The following MAGI1 variants were observed in gnomAD, a reference collection of about 807,000 sequenced individuals.
MAGI1 encodes the protein membrane-associated guanylate kinase, WW and PDZ domain-containing protein 1.
In MAGI1, 58 loss-of-function variants were observed where a neutral mutation model predicts 139.9. The ratio of observed to expected loss-of-function variants is 0.41; its 90% CI spans 0.34 to 0.52. MAGI1 has a LOEUF of 0.52. MAGI1 is among the 20% of genes least tolerant of loss of function. MAGI1 has a pLI of 0.12. For missense variants in MAGI1, 1,874 were observed against 1,901.6 expected (o/e 0.99, Z 0.27); for synonymous variants, 812 against 737.9 (o/e 1.10, Z -1.63).
chr3:65,703,019 C>G (rs1055450572), intron 1 of MAGI1, among the ~76,000 whole-genome samples: 1 of 151,968 alleles, frequency 6.6e-6, no homozygotes, highest in African/African-American at 2.4e-5. Context: ...GAATCTGGAG[C>G]AGAGACACTG....
chr3:65,367,199 T>C (rs1202939827), intron 18 of MAGI1, among the ~76,000 whole-genome samples: 1 of 152,236 alleles, frequency 6.6e-6, no homozygotes, highest in Non-Finnish European at 1.5e-5. Context: ...TCAAAGTGAT[T>C]ATAATGATTG....
chr3:65,627,907 G>C (rs76089079), intron 1 of MAGI1, among the ~76,000 whole-genome samples: 83 of 152,158 alleles, frequency 5.5e-4, no homozygotes, highest in Non-Finnish European at 8.8e-4. Flanking sequence ...AGAATGTTAA[G>C]CATGTTTGAT....
At chr3:65,478,876 T>C in intron 3 of MAGI1, 78 bp from the exon 4 acceptor site, 1 of 1,067,242 alleles carries the variant, frequency 9.4e-7, no homozygotes, top group Non-Finnish European at 1.4e-6. Flanking sequence ...CATCCAAATC[T>C]CTAGGCACAT....
rs147090669 is a variant in MAGI1, at chr3:65,893,033, T to C, written c.313+144963A>G. On this transcript the variant is annotated intron_variant, in intron 1 of 22. Coordinates refer to ENST00000402939, the MANE Select transcript of MAGI1 (RefSeq NM_001033057.2). ...AGAGAAGGACACTAACAACCTCAAT[T>C]TCAGGGACGATAAAAATTAAGTAAC... Among the ~76,000 whole-genome samples the C allele has an allele frequency of 1.9e-3, 296 of 152,280 alleles. 1 individual carries two copies. The highest frequency in any genetic ancestry group is 0.01 in the South Asian group (50 of 4,826).
At chr3:65,845,159 G>A (rs2058944143) in intron 1 of MAGI1, among the ~76,000 whole-genome samples, 1 of 142,940 alleles carries the variant, frequency 7.0e-6, no homozygotes, top group African/African-American at 2.5e-5. Flanking sequence ...GGTGAGGCAG[G>A]AGAATCACTT....
At chr3:66,004,295 T>C (rs747476946) in intron 1 of MAGI1, among the ~76,000 whole-genome samples, 15 of 152,096 alleles carry the variant, frequency 9.9e-5, no homozygotes, top group South Asian at 2.1e-4. Flanking sequence ...GGGGCTTCAG[T>C]TGGGGGTGAC....
chr3:65,963,110 T>G (rs2064532539), intron 1 of MAGI1, among the ~76,000 whole-genome samples: 1 of 146,414 alleles, frequency 6.8e-6, no homozygotes, highest in Admixed American at 6.7e-5. Context: ...GCAGATGGAT[T>G]GCCTGAGCTT....
Position 65,357,047 on chromosome 3 carries a change from C to T in MAGI1, c.3720G>A (p.Pro1240=). Reference sequence around the variant, plus strand: ...CGGGTGGGTAACTGGACTCCAATGACGGATGCTGCCGGCGGTCGGGCCCGG... The same window carrying T: ...CGGGTGGGTAACTGGACTCCAATGATGGATGCTGCCGGCGGTCGGGCCCGG... ...VRAGPDRRQH[P]SLESSYPPDL... The change falls in exon 23 of 23, where the codon CCG becomes CCA. Residue 1240 remains proline, a synonymous_variant. Coordinates refer to ENST00000402939, the MANE Select transcript of MAGI1 (RefSeq NM_001033057.2). 1 of 1,614,038 alleles carries T rather than the reference C, an allele frequency of 6.2e-7. No homozygotes were observed. Among genetic ancestry groups the T allele is most frequent in the East Asian group, 2.2e-5 (1 of 44,842 alleles).
intron 1 of MAGI1, among the ~76,000 whole-genome samples, chr3:65,965,737 G>T (rs1425515024): frequency 6.6e-6 from 1 of 151,860 alleles, no homozygotes; most frequent in East Asian, 1.9e-4. Flanking sequence ...GGAGTGCAGT[G>T]GCTCACTTCA....
At chr3:65,951,092 AAG>A (rs762373555) in intron 1 of MAGI1, among the ~76,000 whole-genome samples, 4 of 151,650 alleles carry the variant, frequency 2.6e-5, no homozygotes, top group Admixed American at 2.0e-4. Context: ...GAGAGAGGGA[AAG>A]AGAGAGAATC....
intron 1 of MAGI1, among the ~76,000 whole-genome samples, chr3:65,852,175 T>C (rs2059227494): frequency 6.6e-6 from 1 of 152,184 alleles, no homozygotes; most frequent in Admixed American, 6.5e-5. Flanking sequence ...TCTGTCCTCC[T>C]TGGTGGCCCT....
chr3:65,644,167 A>T (rs2085131675), intron 1 of MAGI1, among the ~76,000 whole-genome samples: 1 of 152,168 alleles, frequency 6.6e-6, no homozygotes, highest in Non-Finnish European at 1.5e-5. Flanking sequence ...GTGGTGTCAG[A>T]TAAAACCATC....
Position 65,391,146 on chromosome 3 carries a change from G to T in MAGI1, c.2412C>A (p.Asn804Lys). ...IWAQSRSMYE[N>K]RLPDYQEQDI... is the part of the protein sequence containing the mutation. ...AGAGGCCAGGATGCTACTCACGTCG[G>T]TTTTCATACATGCTCCTGGACTGGG... is the stretch of plus-strand genomic sequence containing the variant. The change falls in exon 14 of 23, where the codon AAC becomes AAA. Residue 804 changes from asparagine (N) to lysine (K), a missense_variant. This residue lies in a region of MAGI1 where 482 missense variants were observed against 509.6 expected (regional missense o/e 0.95). Transcript: ENST00000402939. The T allele has an allele frequency of 6.2e-7, 1 of 1,614,126 alleles. No individual in the cohort carries two copies. The highest frequency in any genetic ancestry group is 8.5e-7 in the Non-Finnish European group (1 of 1,179,978).
chr3:65,596,321 G>A (rs1439021421), intron 2 of MAGI1, among the ~76,000 whole-genome samples: 1 of 152,120 alleles, frequency 6.6e-6, no homozygotes, highest in Non-Finnish European at 1.5e-5. Context: ...CCGTTTTACT[G>A]AAACCCCCAA....
intron 1 of MAGI1, among the ~76,000 whole-genome samples, chr3:65,774,678 A>T (rs1321396704): frequency 6.6e-6 from 1 of 152,162 alleles, no homozygotes; most frequent in Admixed American, 6.6e-5. Flanking sequence ...GGCATACACA[A>T]AATGTTTTCC....
chr3:65,361,608 C>T (rs1940864267), intron 21 of MAGI1, among the ~76,000 whole-genome samples: 1 of 152,206 alleles, frequency 6.6e-6, no homozygotes, highest in Non-Finnish European at 1.5e-5. Context: ...TTTAAGAAGG[C>T]TCCCATGATT....
At chr3:65,891,377 C>T (rs2060739585) in intron 1 of MAGI1, among the ~76,000 whole-genome samples, 1 of 151,982 alleles carries the variant, frequency 6.6e-6, no homozygotes, top group African/African-American at 2.4e-5. Context: ...GGTAATATGC[C>T]AGGCGCTACC....
chr3:65,566,892 C>T (rs183490466), intron 2 of MAGI1, among the ~76,000 whole-genome samples: 2 of 151,996 alleles, frequency 1.3e-5, no homozygotes, highest in African/African-American at 4.8e-5. Context: ...CCACAGCATC[C>T]GGCCGTCTTT....
intron 1 of MAGI1, among the ~76,000 whole-genome samples, chr3:65,625,628 A>G (rs966970030): frequency 6.6e-6 from 1 of 152,210 alleles, no homozygotes; most frequent in African/African-American, 2.4e-5. Flanking sequence ...ACACTCAGTG[A>G]AAGATGGAAA....
Sources: allele counts gnomAD v4.1 joint callset (sites outside exome capture counted in the v4.1 genomes callset), GRCh38; gene constraint gnomAD v4.1.1; regional missense constraint gnomAD v4.1.1; transcripts MANE v1.5; gene names NCBI Gene and HGNC (gene_info 2026-07-23, HGNC 2026-07-21).